Variants in TGFBR2 observed in about 807,000 individuals in gnomAD.
TGFBR2 encodes transforming growth factor beta receptor 2.
Under a neutral mutation model 49.0 loss-of-function variants are expected in TGFBR2, and 18 were observed. That is an observed-to-expected ratio of 0.37 (90% confidence interval 0.25 to 0.54). The LOEUF (loss-of-function observed/expected upper bound fraction) is 0.54. TGFBR2 is among the 20% of genes least tolerant of loss of function. The pLI is 0.85. For missense variants in TGFBR2, 525 were observed against 722.6 expected, an observed-to-expected ratio of 0.73 and a Z score of 3.13; for synonymous variants, 282 against 275.9, an observed-to-expected ratio of 1.02 and a Z score of -0.22.
intron 1 of TGFBR2, chr3:30,623,381 A>G (rs1698271964): frequency 7.6e-7 from 1 of 1,313,694 alleles, no homozygotes; most frequent in Admixed American, 1.8e-5. Flanking sequence ...GTCTCCTCGT[A>G]TTTTCATATT....
intron 3 of TGFBR2, among the ~76,000 whole-genome samples, chr3:30,668,605 A>G (rs201791596): frequency 2.0e-5 from 3 of 152,140 alleles, no homozygotes; most frequent in East Asian, 3.9e-4. Flanking sequence ...GCATTCAATC[A>G]TTCTGTAATT....
chr3:30,623,147 T>C (rs535286684), intron 1 of TGFBR2: 1 of 962,074 alleles, frequency 1.0e-6, no homozygotes, highest in Non-Finnish European at 1.7e-6. Context: ...TCCTGTCATC[T>C]GTAATTTTAA....
rs557449314 is a variant in TGFBR2, at chr3:30,623,255, G to C, written c.94+16278G>C. On this transcript the variant is annotated intron_variant, in intron 1 of 6. Transcript: ENST00000295754. ...CATCTGCCCCAGCTGTAATAGGACTGCCCATCCACTGAGACATAGTAAAGT... is the reference window on the plus strand; with the variant it reads ...CATCTGCCCCAGCTGTAATAGGACTCCCCATCCACTGAGACATAGTAAAGT... 42 of 1,613,792 alleles carry C rather than the reference G, an allele frequency of 2.6e-5. No homozygotes were observed. The highest frequency in any genetic ancestry group is 3.3e-5 in the Admixed American group (2 of 60,004).
chr3:30,630,402 C>T (rs1351515937), intron 1 of TGFBR2, among the ~76,000 whole-genome samples: 2 of 152,182 alleles, frequency 1.3e-5, no homozygotes, highest in Non-Finnish European at 1.5e-5. Context: ...CCAGTTTTAT[C>T]TCTAGTACTA....
intron 2 of TGFBR2, among the ~76,000 whole-genome samples, chr3:30,649,807 C>G (rs1457960460): frequency 6.6e-6 from 1 of 152,134 alleles, no homozygotes; most frequent in Non-Finnish European, 1.5e-5. Context: ...CAGGCATGCT[C>G]TTTGAAAACA....
At chr3:30,643,865 C>T (rs1037018756) in intron 1 of TGFBR2, among the ~76,000 whole-genome samples, 1 of 152,120 alleles carries the variant, frequency 6.6e-6, no homozygotes, top group African/African-American at 2.4e-5. Flanking sequence ...GATCAGAGAT[C>T]AGAAAAGTGA....
At chr3:30,607,231 G>C (rs1697939561) in intron 1 of TGFBR2, among the ~76,000 whole-genome samples, 1 of 152,224 alleles carries the variant, frequency 6.6e-6, no homozygotes, top group African/African-American at 2.4e-5. Flanking sequence ...CAGGAAAGGC[G>C]TTGTGTTGGC....
intron 3 of TGFBR2, among the ~76,000 whole-genome samples, chr3:30,654,122 A>G (rs376121310): frequency 1.3e-5 from 2 of 152,174 alleles, no homozygotes; most frequent in African/African-American, 4.8e-5. Flanking sequence ...AAGAGATAAT[A>G]TATGCATATG....
chr3:30,680,061 G>T (rs373429302), intron 5 of TGFBR2, among the ~76,000 whole-genome samples: 4 of 152,224 alleles, frequency 2.6e-5, no homozygotes, highest in East Asian at 3.9e-4. Flanking sequence ...GGAGGCGGAG[G>T]TTGCAGTGAG....
intron 1 of TGFBR2, chr3:30,623,379 G>C (rs189326031): frequency 7.2e-7 from 1 of 1,397,246 alleles, no homozygotes; most frequent in East Asian, 2.3e-5. Context: ...TAGTCTCCTC[G>C]TATTTTCATA....
intron 1 of TGFBR2, among the ~76,000 whole-genome samples, chr3:30,625,076 T>G (rs1428219340): frequency 1.3e-5 from 2 of 152,224 alleles, no homozygotes; most frequent in African/African-American, 4.8e-5. Context: ...TAATACCTTT[T>G]ATATAATTCT....
chr3:30,649,926 T>C (rs560716807), intron 2 of TGFBR2, among the ~76,000 whole-genome samples: 2 of 152,284 alleles, frequency 1.3e-5, no homozygotes, highest in African/African-American at 4.8e-5. Flanking sequence ...CTAGGAATGT[T>C]CTTTTTTTCC....
At chr3:30,607,012 C>T (rs973829476) in intron 1 of TGFBR2, 35 bp downstream of exon 1, 2 of 1,537,676 alleles carry the variant, frequency 1.3e-6, no homozygotes, top group East Asian at 2.4e-5. Context: ...GGCGGGGCGC[C>T]GGGGGTCTTC....
chr3:30,654,684 G>A (rs1698962701), intron 3 of TGFBR2, among the ~76,000 whole-genome samples: 2 of 152,200 alleles, frequency 1.3e-5, no homozygotes, highest in Admixed American at 6.5e-5. Context: ...TCAGTCAGAC[G>A]AGACCTGATG....
At chr3:30,683,974 C>A (rs987983608) in intron 5 of TGFBR2, among the ~76,000 whole-genome samples, 3 of 152,208 alleles carry the variant, frequency 2.0e-5, no homozygotes, top group Admixed American at 1.3e-4. Context: ...TGGCCACGAT[C>A]TTCCCTTCTT....
At chr3:30,643,749 T>C (rs888122153) in intron 1 of TGFBR2, among the ~76,000 whole-genome samples, 4 of 152,356 alleles carry the variant, frequency 2.6e-5, no homozygotes, top group Non-Finnish European at 4.4e-5. Flanking sequence ...GAAAGTTTCA[T>C]GGAGCTTACA....
rs1699345935 is a variant in TGFBR2 at position 30,671,918 on chromosome 3, G to C, written c.735G>C (p.Glu245Asp). 2.5e-6 allele frequency: 4 copies of C among 1,614,230 alleles called. No homozygotes were observed. ...INHNTELLPI[E>D]LDTLVGKGRF... is the part of the protein sequence containing the mutation. Reference sequence around the variant, plus strand: ...ACAACACAGAGCTGCTGCCCATTGAGCTGGACACCCTGGTGGGGAAAGGTC... The same window carrying C: ...ACAACACAGAGCTGCTGCCCATTGACCTGGACACCCTGGTGGGGAAAGGTC... Residue 245 changes from glutamate to aspartate, a missense_variant, in exon 4 of 7, where the codon GAG becomes GAC. Glu to Asp is a conservative substitution (Grantham distance 45). Transcript: ENST00000295754.
At chr3:30,654,209 T>G (rs1698952436) in intron 3 of TGFBR2, among the ~76,000 whole-genome samples, 1 of 152,244 alleles carries the variant, frequency 6.6e-6, no homozygotes, top group Non-Finnish European at 1.5e-5. Flanking sequence ...TTCCTTTTGT[T>G]GTTGTTGTAA....
intron 1 of TGFBR2, among the ~76,000 whole-genome samples, chr3:30,628,605 A>T (rs1407381856): frequency 7.1e-6 from 1 of 140,890 alleles, no homozygotes; most frequent in Non-Finnish European, 1.5e-5. Context: ...TTGACTGGAA[A>T]CTTAATCTGT....
Sources: allele counts gnomAD v4.1 joint callset (sites outside exome capture counted in the v4.1 genomes callset), GRCh38; gene constraint gnomAD v4.1.1; transcripts MANE v1.5; gene names NCBI Gene and HGNC (gene_info 2026-07-23, HGNC 2026-07-21).